The following RAB10 variants were observed in gnomAD, a reference collection of about 807,000 sequenced individuals.
RAB10 encodes RAB10, member RAS oncogene family.
Under a neutral mutation model 25.7 loss-of-function variants are expected in RAB10, and 5 were observed. That is an observed-to-expected ratio of 0.19 (90% CI 0.10 to 0.41). The LOEUF (loss-of-function observed/expected upper bound fraction) is 0.41. RAB10 is among the 10% of genes least tolerant of loss of function. The pLI, the probability that RAB10 is intolerant of heterozygous loss-of-function variation, is 1.00. For synonymous variants in RAB10, 89 were observed against 86.4 expected (o/e 1.03, Z -0.16); for missense variants, 103 against 245.8 (o/e 0.42, Z 3.89).
intron 1 of RAB10, among the ~76,000 whole-genome samples, chr2:26,059,354 T>A (rs762601001): frequency 6.6e-6 from 1 of 152,236 alleles, no homozygotes; most frequent in African/African-American, 2.4e-5. Context: ...TTATGAAATT[T>A]TATTCTAGTG....
intron 2 of RAB10, among the ~76,000 whole-genome samples, chr2:26,103,674 A>G (rs1490873969): frequency 2.0e-5 from 3 of 152,182 alleles, no homozygotes; most frequent in Non-Finnish European, 1.5e-5. Context: ...AATTTGTACA[A>G]CCATCGTTAC....
intron 3 of RAB10, among the ~76,000 whole-genome samples, chr2:26,121,590 G>A (rs149745569): frequency 1.3e-5 from 2 of 152,242 alleles, no homozygotes; most frequent in East Asian, 1.9e-4. Flanking sequence ...ATTGGGCGGG[G>A]GGGAAATTAA....
intron 1 of RAB10, among the ~76,000 whole-genome samples, chr2:26,050,880 T>A (rs1299641785): frequency 6.6e-6 from 1 of 152,136 alleles, no homozygotes; most frequent in African/African-American, 2.4e-5. Context: ...GTGCTGAGAT[T>A]ACAGGTGTGA....
intron 1 of RAB10, among the ~76,000 whole-genome samples, chr2:26,058,413 C>G (rs1440939497): frequency 1.3e-5 from 2 of 151,906 alleles, no homozygotes; most frequent in Non-Finnish European, 2.9e-5. Flanking sequence ...TACATGATAT[C>G]CTGATGCTTT....
rs572370885 is a variant in RAB10 at position 26,128,100 on chromosome 2, G to GGA, written c.519+150_519+151dup. ...CAGTCCCCAGCCTTTTTGGCACCAA[G>GGA]GACTGGTTTCATGGAAGATAATTTT... On this transcript the variant is annotated intron_variant, in intron 5 of 5. Coordinates refer to ENST00000264710, the MANE Select transcript of RAB10 (RefSeq NM_016131.5). The GGA allele has an allele frequency of 7.9e-4, 553 of 699,552 alleles. 11 individuals carry two copies. The South Asian group carries it at 9.5e-3, about 12-fold the overall frequency. 43.3% of individuals were successfully genotyped at this position (699,552 alleles called of 1,614,324 possible).
intron 1 of RAB10, among the ~76,000 whole-genome samples, chr2:26,051,481 C>T (rs1666131585): frequency 6.7e-6 from 1 of 150,234 alleles, no homozygotes; most frequent in South Asian, 2.1e-4. Flanking sequence ...GGCGCAGTGG[C>T]TCACGCCTGT....
chr2:26,034,066 G>A, upstream of RAB10: 1 of 402,418 alleles, frequency 2.5e-6, no homozygotes, highest in Non-Finnish European at 4.4e-6. Flanking sequence ...GGAAGGGCGG[G>A]CGTACGCCCT....
intron 2 of RAB10, 141 bp downstream of exon 2, chr2:26,098,863 A>G: frequency 4.6e-6 from 3 of 648,950 alleles, no homozygotes; most frequent in East Asian, 2.8e-5. Context: ...TTTGTGCAGT[A>G]AAAACCATTG....
chr2:26,089,686 C>A (rs4665822), intron 1 of RAB10, among the ~76,000 whole-genome samples: 1 of 151,896 alleles, frequency 6.6e-6, no homozygotes, highest in Non-Finnish European at 1.5e-5. Context: ...TCCATATTCT[C>A]TAGTCATATG....
intron 5 of RAB10, 64 bp from the exon 6 acceptor site, chr2:26,134,874 G>C (rs1184787673): frequency 1.5e-6 from 2 of 1,297,992 alleles, no homozygotes; most frequent in Non-Finnish European, 2.2e-6. Context: ...TATTCCTGTT[G>C]AATCGTGATT....
intron 1 of RAB10, among the ~76,000 whole-genome samples, chr2:26,081,337 C>G (rs1002296778): frequency 1.3e-5 from 2 of 152,256 alleles, no homozygotes; most frequent in Admixed American, 6.5e-5. Flanking sequence ...AAAGGTAAAA[C>G]TTCATATCTG....
chr2:26,086,288 T>C (rs547445923), intron 1 of RAB10, among the ~76,000 whole-genome samples: 1 of 152,200 alleles, frequency 6.6e-6, no homozygotes, highest in South Asian at 2.1e-4. Context: ...CTCTGTCTCA[T>C]AAAAAATGGG....
At chr2:26,125,747 T>G (rs181727899) in intron 3 of RAB10, among the ~76,000 whole-genome samples, 1 of 152,088 alleles carries the variant, frequency 6.6e-6, no homozygotes, top group Non-Finnish European at 1.5e-5. Context: ...GAGTTTTAGG[T>G]GTTTTTTATA....
chr2:26,103,375 T>TA (rs1356210615), intron 2 of RAB10, among the ~76,000 whole-genome samples: 1 of 152,144 alleles, frequency 6.6e-6, no homozygotes, highest in African/African-American at 2.4e-5. Context: ...GGAACAAACT[T>TA]ACGAATTTAA....
At chr2:26,047,655 G>A (rs1006857155) in intron 1 of RAB10, among the ~76,000 whole-genome samples, 8 of 151,024 alleles carry the variant, frequency 5.3e-5, no homozygotes, top group African/African-American at 1.9e-4. Context: ...GACCTCAGGT[G>A]ATCTGCCTTG....
intron 3 of RAB10, among the ~76,000 whole-genome samples, chr2:26,111,409 A>C (rs967765206): frequency 3.3e-5 from 5 of 152,272 alleles, no homozygotes; most frequent in Admixed American, 2.6e-4. Context: ...GTTCGAGACC[A>C]GCCTGACCAA....
At chr2:26,059,897 A>G (rs1226850224) in intron 1 of RAB10, among the ~76,000 whole-genome samples, 1 of 152,254 alleles carries the variant, frequency 6.6e-6, no homozygotes, top group Non-Finnish European at 1.5e-5. Context: ...AAGTTTTAAT[A>G]GCTTTGATGT....
intron 1 of RAB10, among the ~76,000 whole-genome samples, chr2:26,064,697 A>T (rs989389109): frequency 3.3e-5 from 5 of 152,200 alleles, no homozygotes. Context: ...CAACAGATGA[A>T]CAAATATTTC....
At chr2:26,040,256 ATCC>A (rs1665855500) in intron 1 of RAB10, among the ~76,000 whole-genome samples, 1 of 152,132 alleles carries the variant, frequency 6.6e-6, no homozygotes, top group Non-Finnish European at 1.5e-5. Flanking sequence ...GGCTTAAGCA[ATCC>A]TCCTTCCTCG....
Sources: allele counts gnomAD v4.1 joint callset (sites outside exome capture counted in the v4.1 genomes callset), GRCh38; gene constraint gnomAD v4.1.1; transcripts MANE v1.5; gene names NCBI Gene and HGNC (gene_info 2026-07-23, HGNC 2026-07-21).